Variants in CNRIP1 observed in about 807,000 individuals in gnomAD.
The protein encoded by CNRIP1 is cannabinoid receptor interacting protein 1, also known as CB1 cannabinoid receptor-interacting protein 1.
A neutral mutation model predicts 15.2 loss-of-function variants in CNRIP1; 10 were observed. That is an observed-to-expected ratio of 0.66 (90% confidence interval 0.41 to 1.12). CNRIP1 has a LOEUF of 1.12. CNRIP1 is among the 50% of genes most tolerant of loss of function. The pLI, the probability that CNRIP1 is intolerant of heterozygous loss-of-function variation, is 0.00. For synonymous variants in CNRIP1, 91 were observed against 83.2 expected (o/e 1.09, Z -0.51); for missense variants, 211 against 214.7 (o/e 0.98, Z 0.11).
intron 2 of CNRIP1, among the ~76,000 whole-genome samples, chr2:68,296,354 G>A (rs1395045943): frequency 6.6e-6 from 1 of 152,176 alleles, no homozygotes; most frequent in Non-Finnish European, 1.5e-5. Flanking sequence ...AGGAGTTTGA[G>A]ACTAGCCTGG....
At chr2:68,315,498 G>A (rs962438458) in intron 2 of CNRIP1, among the ~76,000 whole-genome samples, 1 of 152,042 alleles carries the variant, frequency 6.6e-6, no homozygotes, top group Admixed American at 6.6e-5. Flanking sequence ...ATGTGGTTTT[G>A]TTTATAATAC....
At chr2:68,317,379 C>T in intron 1 of CNRIP1, 72 bp from the exon 2 acceptor site, 1 of 1,535,812 alleles carries the variant, frequency 6.5e-7, no homozygotes, top group Non-Finnish European at 8.9e-7. Context: ...TGGACCAAAA[C>T]TCTAGGCAGG....
At chr2:68,312,547 T>A (rs1672131336) in intron 2 of CNRIP1, among the ~76,000 whole-genome samples, 1 of 152,214 alleles carries the variant, frequency 6.6e-6, no homozygotes. Flanking sequence ...TCTCTCAGAC[T>A]GAGGGACAAG....
intron 2 of CNRIP1, chr2:68,316,025 G>A (rs1308211121): frequency 1.3e-5 from 2 of 152,218 alleles, no homozygotes; most frequent in East Asian, 3.8e-4. Flanking sequence ...TTCTTTGACA[G>A]AACAAGAGCA....
At chr2:68,288,067 GGCCAGCCA>G (rs70949693), downstream of CNRIP1, among the ~76,000 whole-genome samples, 169 of 149,878 alleles carry the variant, frequency 1.1e-3, 1 homozygote, top group African/African-American at 3.5e-3. Flanking sequence ...GCAGCCGGCC[GGCCAGCCA>G]GCCAGCCAGC....
At chr2:68,299,314 T>G (rs1671513277) in intron 2 of CNRIP1, among the ~76,000 whole-genome samples, 2 of 152,178 alleles carry the variant, frequency 1.3e-5, no homozygotes. Context: ...GGACTGAATG[T>G]TTATGCCCTC....
chr2:68,307,507 G>T (rs1362636494), intron 2 of CNRIP1, among the ~76,000 whole-genome samples: 1 of 151,958 alleles, frequency 6.6e-6, no homozygotes, highest in Non-Finnish European at 1.5e-5. Context: ...TTTTTATTTT[G>T]TAGAAATAGG....
chr2:68,319,373 G>T lies in CNRIP1; in HGVS notation c.28C>A (p.Leu10Ile). MGDLPGLVR[L>I]SIALRIQPND... ...GGCTGGATGCGCAGCGCGATGGAGA[G>T]GCGCACGAGGCCCGGCAGGTCCCCC... The change falls in exon 1 of 3, where the codon CTC (leucine) becomes ATC (isoleucine). Residue 10 changes from leucine (L) to isoleucine (I), a missense_variant. Physicochemically the swap from Leu to Ile is conservative, Grantham distance 5. Coordinates refer to ENST00000263655, the MANE Select transcript of CNRIP1 (RefSeq NM_015463.3). 1 of 1,584,816 alleles carries T rather than the reference G, an allele frequency of 6.3e-7. No individual in the cohort carries two copies. Among genetic ancestry groups the T allele is most frequent in the East Asian group, 2.3e-5 (1 of 43,876 alleles).
chr2:68,302,513 G>C (rs1573019812), intron 2 of CNRIP1, among the ~76,000 whole-genome samples: 1 of 152,164 alleles, frequency 6.6e-6, no homozygotes, highest in African/African-American at 2.4e-5. Context: ...GCATAAAGTT[G>C]GGTGTCACTT....
chr2:68,284,501 AC>A (rs1342892503), intron 2 of CNRIP1: 2 of 1,524,128 alleles, frequency 1.3e-6, no homozygotes, highest in African/African-American at 2.8e-5. Flanking sequence ...ATAAATAGAT[AC>A]CAGAATAAGT....
At position 68,293,439 on chromosome 2, in the gene CNRIP1, T is replaced by A; in HGVS notation, c.*423A>T. 1 of 990,198 alleles carries A rather than the reference T, an allele frequency of 1.0e-6. No individual in the cohort carries two copies. The highest frequency in any genetic ancestry group is 1.1e-4 in the East Asian group (1 of 9,238). The allele number at this position is 990,198 out of a possible 1,614,324, so 61.3% of individuals were successfully genotyped here. On this transcript the variant is annotated 3_prime_UTR_variant, in exon 3 of 3. Transcript: ENST00000263655. ...AAGTTACATGTTACCATATTACACA[T>A]GGGAGGACCCATACACATTGTTATT... is the stretch of plus-strand genomic sequence containing the variant.
chr2:68,306,978 C>A (rs527463349), intron 2 of CNRIP1, among the ~76,000 whole-genome samples: 1 of 152,244 alleles, frequency 6.6e-6, no homozygotes, highest in African/African-American at 2.4e-5. Context: ...AGATGATTTG[C>A]ATGATTTTAA....
intron 2 of CNRIP1, among the ~76,000 whole-genome samples, chr2:68,296,193 T>G (rs759784974): frequency 6.6e-6 from 1 of 152,190 alleles, no homozygotes; most frequent in Non-Finnish European, 1.5e-5. Context: ...TTTAATACAG[T>G]TTTTATTTTA....
At chr2:68,306,363 G>T (rs1166733639) in intron 2 of CNRIP1, among the ~76,000 whole-genome samples, 2 of 151,178 alleles carry the variant, frequency 1.3e-5, no homozygotes, top group Admixed American at 1.3e-4. Context: ...CCAGGATACT[G>T]TTTACCTCTA....
intron 2 of CNRIP1, among the ~76,000 whole-genome samples, chr2:68,299,382 T>C (rs1471855031): frequency 6.6e-6 from 1 of 152,042 alleles, no homozygotes; most frequent in East Asian, 1.9e-4. Flanking sequence ...TATTTGGAGG[T>C]AGGGCCTTTG....
At chr2:68,316,664 G>A (rs941982826) in intron 2 of CNRIP1, 3 of 156,626 alleles carry the variant, frequency 1.9e-5, no homozygotes, top group Non-Finnish European at 4.2e-5. Flanking sequence ...TTATATAGGT[G>A]TATATATAAT....
intron 2 of CNRIP1, among the ~76,000 whole-genome samples, chr2:68,306,798 AC>A (rs150511419): frequency 0.4 from 59,685 of 150,908 alleles, 12,244 homozygotes; most frequent in Non-Finnish European, 0.44. Context: ...AAAAAAAATT[AC>A]AAACTTACCC....
chr2:68,303,032 A>G (rs1671674525), intron 2 of CNRIP1, among the ~76,000 whole-genome samples: 1 of 151,860 alleles, frequency 6.6e-6, no homozygotes, highest in African/African-American at 2.4e-5. Context: ...TATTTTTAGT[A>G]GAGACGGGGT....
At chr2:68,306,002 T>C (rs1210536987) in intron 2 of CNRIP1, among the ~76,000 whole-genome samples, 1 of 150,596 alleles carries the variant, frequency 6.6e-6, no homozygotes, top group Non-Finnish European at 1.5e-5. Context: ...TGGTGGTGCG[T>C]GCCTCTGGTC....
Sources: allele counts gnomAD v4.1 joint callset (sites outside exome capture counted in the v4.1 genomes callset), GRCh38; gene constraint gnomAD v4.1.1; transcripts MANE v1.5; gene names NCBI Gene and HGNC (gene_info 2026-07-23, HGNC 2026-07-21).